The following ELMO1 variants were observed in gnomAD, a reference collection of about 807,000 sequenced individuals.
ELMO1 encodes the protein engulfment and cell motility protein 1.
A neutral mutation model predicts 98.9 loss-of-function variants in ELMO1; 26 were observed. The observed-to-expected ratio is 0.26, with a 90% CI of 0.19 to 0.36. The LOEUF is 0.36. Among genes scored for constraint, ELMO1 ranks in the 10% least tolerant of loss-of-function variants. The pLI, the probability that ELMO1 is intolerant of heterozygous loss-of-function variation, is 1.00. For synonymous variants in ELMO1, 346 were observed against 346.0 expected (o/e 1.00, Z 0.00); for missense variants, 627 against 935.2 (o/e 0.67, Z 4.30).
intron 13 of ELMO1, among the ~76,000 whole-genome samples, chr7:37,139,359 T>C (rs1267490791): frequency 1.3e-5 from 2 of 152,148 alleles, no homozygotes; most frequent in East Asian, 3.9e-4. Context: ...AACTGGCAAA[T>C]AAATTCAGTA....
intron 1 of ELMO1, among the ~76,000 whole-genome samples, chr7:37,444,565 T>C (rs1410947287): frequency 1.3e-5 from 2 of 151,858 alleles, no homozygotes; most frequent in East Asian, 1.9e-4. Context: ...CAGGCTGGAG[T>C]GCAGTGGCGC....
chr7:36,853,836 C>T lies in ELMO1; in HGVS notation c.*1715G>A, dbSNP rs991178044. Among the ~76,000 whole-genome samples, 3 of 152,192 alleles carry T rather than the reference C, an allele frequency of 2.0e-5. No homozygotes were observed. The highest frequency in any genetic ancestry group is 7.2e-5 in the African/African-American group (3 of 41,436). On this transcript the variant is annotated 3_prime_UTR_variant, in exon 22 of 22. Coordinates refer to ENST00000310758, the MANE Select transcript of ELMO1 (RefSeq NM_014800.11). Reference sequence around the variant, plus strand: ...CTCCCAGTGCTGGGAGTTTACAATCCTGATAATGCCTCCAGTGCAAATGAC... The same window carrying T: ...CTCCCAGTGCTGGGAGTTTACAATCTTGATAATGCCTCCAGTGCAAATGAC...
chr7:37,376,080 A>G, intron 1 of ELMO1: 1 of 358,168 alleles, frequency 2.8e-6, no homozygotes. Context: ...ACTTTAAAAA[A>G]ATGAACAAAC....
intron 16 of ELMO1, among the ~76,000 whole-genome samples, chr7:36,966,905 G>C (rs758802286): frequency 2.6e-5 from 4 of 152,196 alleles, no homozygotes; most frequent in Admixed American, 6.5e-5. Flanking sequence ...CTCCAAAGAG[G>C]CTGGCTCGCT....
intron 15 of ELMO1, chr7:37,033,304 A>G (rs1438958879): frequency 1.1e-5 from 5 of 446,582 alleles, no homozygotes; most frequent in African/African-American, 8.1e-5. Context: ...AGCTCTGCCT[A>G]TGCTTTAATA....
intron 1 of ELMO1, among the ~76,000 whole-genome samples, chr7:37,391,226 C>T (rs1417328953): frequency 6.6e-6 from 1 of 152,152 alleles, no homozygotes; most frequent in Non-Finnish European, 1.5e-5. Flanking sequence ...AAATGATTCT[C>T]CTGCCTCAGC....
At chr7:36,931,793 C>G (rs747288164) in intron 16 of ELMO1, among the ~76,000 whole-genome samples, 1 of 152,146 alleles carries the variant, frequency 6.6e-6, no homozygotes, top group East Asian at 1.9e-4. Context: ...CTTGGGCACA[C>G]GTGGAGGGAG....
At chr7:37,103,750 A>C (rs1260207870) in intron 14 of ELMO1, among the ~76,000 whole-genome samples, 4 of 152,084 alleles carry the variant, frequency 2.6e-5, no homozygotes, top group African/African-American at 9.6e-5. Context: ...TAATCCCAGC[A>C]CTTTGGGAGG....
At chr7:37,129,522 A>G (rs1041981241) in intron 14 of ELMO1, among the ~76,000 whole-genome samples, 3 of 152,164 alleles carry the variant, frequency 2.0e-5, no homozygotes, top group African/African-American at 7.2e-5. Context: ...CTGCCCCTTC[A>G]CAGACCTGCA....
chr7:36,984,472 C>A (rs1213939034), intron 16 of ELMO1, among the ~76,000 whole-genome samples: 1 of 152,224 alleles, frequency 6.6e-6, no homozygotes, highest in African/African-American at 2.4e-5. Context: ...GTCGCCCTCA[C>A]CCTGCCTTGA....
At chr7:37,332,493 TC>T (rs1162027218) in intron 2 of ELMO1, among the ~76,000 whole-genome samples, 1 of 152,152 alleles carries the variant, frequency 6.6e-6, no homozygotes, top group Non-Finnish European at 1.5e-5. Context: ...AGCACCCTCA[TC>T]CGGTCTGAAG....
At chr7:37,244,295 C>T in intron 7 of ELMO1, 61 bp downstream of exon 7, 2 of 1,555,008 alleles carry the variant, frequency 1.3e-6, no homozygotes, top group Non-Finnish European at 1.8e-6. Flanking sequence ...TGACAGGGCT[C>T]AATTATGCAG....
chr7:37,189,416 A>C (rs193038320), intron 13 of ELMO1, among the ~76,000 whole-genome samples: 20 of 152,342 alleles, frequency 1.3e-4, no homozygotes, highest in African/African-American at 4.6e-4. Context: ...TATGCAAAGA[A>C]GACATTTGCT....
intron 16 of ELMO1, among the ~76,000 whole-genome samples, chr7:36,900,942 GA>G (rs1222810993): frequency 1.3e-5 from 2 of 152,206 alleles, no homozygotes; most frequent in Admixed American, 1.3e-4. Context: ...GGGTCTGGGG[GA>G]AGAAGACCCT....
At chr7:37,127,611 A>G (rs1786615561) in intron 14 of ELMO1, among the ~76,000 whole-genome samples, 1 of 152,226 alleles carries the variant, frequency 6.6e-6, no homozygotes, top group Admixed American at 6.5e-5. Flanking sequence ...CATGTTACCA[A>G]ACCCACACTA....
chr7:37,207,372 G>A (rs557578058), intron 13 of ELMO1, among the ~76,000 whole-genome samples: 28 of 152,050 alleles, frequency 1.8e-4, no homozygotes, highest in Middle Eastern at 3.4e-3. Flanking sequence ...CCAACATGGC[G>A]AAACCCTGTC....
chr7:37,409,039 G>A (rs553855968), intron 1 of ELMO1, among the ~76,000 whole-genome samples: 2 of 150,586 alleles, frequency 1.3e-5, no homozygotes, highest in East Asian at 3.9e-4. Flanking sequence ...GTGAAACTCT[G>A]AAACAACGGA....
At chr7:37,087,473 C>A (rs114167590) in intron 15 of ELMO1, among the ~76,000 whole-genome samples, 1,845 of 151,408 alleles carry the variant, frequency 0.012, 32 homozygotes, top group African/African-American at 0.041. Context: ...GTGTCCTAGT[C>A]CATCATCTTT....
intron 4 of ELMO1, among the ~76,000 whole-genome samples, chr7:37,292,749 C>G (rs1797787374): frequency 9.5e-6 from 1 of 105,082 alleles, no homozygotes; most frequent in Non-Finnish European, 2.2e-5. Flanking sequence ...GGGGGTCAGC[C>G]CCCCGCCCGG....
Sources: allele counts gnomAD v4.1 joint callset (sites outside exome capture counted in the v4.1 genomes callset), GRCh38; gene constraint gnomAD v4.1.1; transcripts MANE v1.5; gene names NCBI Gene and HGNC (gene_info 2026-07-23, HGNC 2026-07-21).